RSAD2: variants seen among roughly 807,000 people sequenced by gnomAD.
RSAD2 encodes S-adenosylmethionine-dependent nucleotide dehydratase RSAD2.
Under a neutral mutation model 37.7 loss-of-function variants are expected in RSAD2, and 38 were observed. That is an observed-to-expected ratio of 1.01 (90% CI 0.78 to 1.32). The LOEUF (loss-of-function observed/expected upper bound fraction) is 1.32. Among genes scored for constraint, RSAD2 ranks in the 40% most tolerant of loss-of-function variants. The probability of loss-of-function intolerance (pLI) is 0.00; values close to 1 mark genes in which losing one functional copy is unlikely to be tolerated. For synonymous variants in RSAD2, 163 were observed against 157.4 expected, an observed-to-expected ratio of 1.04 and a Z score of -0.27; for missense variants, 428 against 437.5, an observed-to-expected ratio of 0.98 and a Z score of 0.19.
At position 6,896,011 on chromosome 2, in the gene RSAD2, A is replaced by G; in HGVS notation, c.*69A>G. The stretch of plus-strand genomic sequence containing the variant: ...CCTAGAGTAACTGCCATTGTCTGCA[A>G]TACTATCCCGTTGGTATTTCCCAGT... On this transcript the variant is annotated 3_prime_UTR_variant, in exon 6 of 6. Coordinates refer to ENST00000382040, the MANE Select transcript of RSAD2 (RefSeq NM_080657.5). 3 of 1,466,240 alleles carry G rather than the reference A, an allele frequency of 2.0e-6. No homozygotes were observed. Among genetic ancestry groups the G allele is most frequent in the South Asian group, 2.6e-5 (2 of 77,136 alleles). 90.8% of individuals were successfully genotyped at this position (1,466,240 alleles called of 1,614,324 possible).
chr2:6,892,528 T>C (rs1314789105), intron 4 of RSAD2, among the ~76,000 whole-genome samples: 3 of 152,224 alleles, frequency 2.0e-5, no homozygotes, highest in Admixed American at 1.3e-4. Flanking sequence ...ATCCCCATTG[T>C]ATACATCAAG....
intron 1 of RSAD2, among the ~76,000 whole-genome samples, chr2:6,869,568 T>A (rs2103234369): frequency 6.6e-6 from 1 of 152,270 alleles, no homozygotes; most frequent in South Asian, 2.1e-4. Flanking sequence ...GTACAATCAC[T>A]AACAAAGTGT....
At chr2:6,866,038 G>A in exon 1 of RSAD2, 2 of 387,712 alleles carry the variant, frequency 5.2e-6, no homozygotes, top group Non-Finnish European at 4.3e-6. Flanking sequence ...CGCGCCGTCG[G>A]CCCCAAGGTA....
At chr2:6,889,617 C>T (rs1019048400) in intron 3 of RSAD2, among the ~76,000 whole-genome samples, 1 of 152,132 alleles carries the variant, frequency 6.6e-6, no homozygotes, top group Non-Finnish European at 1.5e-5. Context: ...CTAGGACTGA[C>T]TTTTATTTTC....
chr2:6,877,993 G>T lies in RSAD2; in HGVS notation c.193G>T (p.Asp65Tyr). Residue 65 changes from aspartate (D) to tyrosine (Y), a missense_variant, in exon 1 of 6, where the codon GAC becomes TAC. Physicochemically the swap from Asp to Tyr is radical, Grantham distance 160 (BLOSUM62 -3). Coordinates refer to ENST00000382040, the MANE Select transcript of RSAD2 (RefSeq NM_080657.5). Reference sequence around the variant, plus strand: ...AGATGAGACCAAAGAGGAGGAAGAGGACCCTCCTCTGCCCACCACCCCAAC... The same window carrying T: ...AGATGAGACCAAAGAGGAGGAAGAGTACCCTCCTCTGCCCACCACCCCAAC... ...GPDETKEEEE[D>Y]PPLPTTPTSV... is the part of the protein sequence containing the mutation. 1 of 1,614,068 alleles carries T rather than the reference G, an allele frequency of 6.2e-7. No homozygotes were observed. Among genetic ancestry groups the T allele is most frequent in the East Asian group, 2.2e-5 (1 of 44,872 alleles).
chr2:6,895,099 C>T (rs1474011279), intron 5 of RSAD2, among the ~76,000 whole-genome samples: 1 of 150,926 alleles, frequency 6.6e-6, no homozygotes, highest in Non-Finnish European at 1.5e-5. Context: ...GTGAAGAAAT[C>T]GTTTCTGCCT....
intron 2 of RSAD2, among the ~76,000 whole-genome samples, chr2:6,886,701 TAG>T (rs1395114452): frequency 9.2e-5 from 14 of 152,374 alleles, no homozygotes; most frequent in South Asian, 2.1e-4. Flanking sequence ...CATACATGTG[TAG>T]AGTTTTCAAA....
chr2:6,871,790 T>A (rs1463006127), intron 1 of RSAD2, among the ~76,000 whole-genome samples: 1 of 152,228 alleles, frequency 6.6e-6, no homozygotes, highest in Non-Finnish European at 1.5e-5. Flanking sequence ...AGCAAATAAG[T>A]CAAAATGCTT....
At chr2:6,894,964 T>C (rs1663708224) in intron 5 of RSAD2, among the ~76,000 whole-genome samples, 1 of 152,242 alleles carries the variant, frequency 6.6e-6, no homozygotes, top group African/African-American at 2.4e-5. Flanking sequence ...ACAAACTCAC[T>C]GGTCTCCACA....
intron 1 of RSAD2, among the ~76,000 whole-genome samples, 176 bp from the exon 2 acceptor site, chr2:6,883,195 A>G (rs181054398): frequency 2.6e-5 from 4 of 152,358 alleles, no homozygotes; most frequent in Non-Finnish European, 5.9e-5. Context: ...TAGATCCCGA[A>G]TTAAACATAT....
upstream of RSAD2, chr2:6,877,716 G>A: frequency 1.0e-6 from 1 of 1,003,350 alleles, no homozygotes; most frequent in Non-Finnish European, 1.5e-6. Context: ...CCAATGACAG[G>A]TTGCTCAGAG....
Position 6,890,328 on chromosome 2 carries a change from T to C in RSAD2, c.888+3T>C, listed in dbSNP as rs1202291049. ...TGGTGCCTGAATCTAACCAGAAGGT[T>C]GTATAAAGCAAAAGTTGTTTTCTTT... On this transcript the variant is annotated splice_donor_region_variant and intron_variant, in intron 4 of 5. Transcript: ENST00000382040. 2 of 1,613,280 alleles carry C rather than the reference T, an allele frequency of 1.2e-6. No individual in the cohort carries two copies. The highest frequency in any genetic ancestry group is 3.3e-5 in the Admixed American group (2 of 59,802).
In RSAD2 at chr2:6,878,064, C is replaced by T. The variant is rs1663321732; in HGVS notation, c.264C>T (p.Gly88=). The change falls in exon 1 of 6, where the codon GGC becomes GGT. Residue 88 remains glycine (G), a synonymous_variant. Transcript: ENST00000382040. ...CTCGCCAGTGCAACTACAAATGCGG[C>T]TTCTGTTTCCACACAGCCAAAACAT... ...HFTRQCNYKC[G]FCFHTAKTSF... 1 of 1,614,094 alleles carries T rather than the reference C, an allele frequency of 6.2e-7. No individual in the cohort carries two copies. Among genetic ancestry groups the T allele is most frequent in the African/African-American group, 1.3e-5 (1 of 74,934 alleles).
intron 1 of RSAD2, chr2:6,866,611 T>A: frequency 4.4e-6 from 1 of 227,408 alleles, no homozygotes; most frequent in Non-Finnish European, 7.3e-6. Context: ...ATCAGCACTG[T>A]TGCTGCCTAA....
chr2:6,886,106 G>C (rs901047998), intron 2 of RSAD2, among the ~76,000 whole-genome samples: 1 of 152,124 alleles, frequency 6.6e-6, no homozygotes, highest in South Asian at 2.1e-4. Flanking sequence ...CTCTTAAAAA[G>C]TCACAAAACT....
intron 5 of RSAD2, 135 bp downstream of exon 5, chr2:6,893,838 A>G: frequency 1.6e-6 from 1 of 639,200 alleles, no homozygotes; most frequent in Non-Finnish European, 2.8e-6. Flanking sequence ...TTTGATAGTC[A>G]GTGATTATGA....
intron 1 of RSAD2, among the ~76,000 whole-genome samples, chr2:6,869,701 A>G (rs1239878914): frequency 6.6e-6 from 1 of 152,220 alleles, no homozygotes; most frequent in Admixed American, 6.5e-5. Context: ...AAAGATACTT[A>G]ATATCATTGG....
At chr2:6,868,748 G>A (rs1663151461) in intron 1 of RSAD2, among the ~76,000 whole-genome samples, 1 of 152,202 alleles carries the variant, frequency 6.6e-6, no homozygotes, top group African/African-American at 2.4e-5. Context: ...AAGAAATGCT[G>A]TTGATACAGC....
At chr2:6,885,248 T>C (rs559578752) in intron 2 of RSAD2, among the ~76,000 whole-genome samples, 1 of 152,322 alleles carries the variant, frequency 6.6e-6, no homozygotes, top group East Asian at 1.9e-4. Flanking sequence ...CAGTGAACTA[T>C]AGGGACATAT....
Sources: gnomAD v4.1 joint callset for allele counts (sites outside exome capture counted in the v4.1 genomes callset) on GRCh38, gnomAD v4.1.1 for gene constraint, MANE v1.5 for transcripts, NCBI Gene and HGNC (gene_info 2026-07-23, HGNC 2026-07-21) for gene names.